Variants in FAT3 observed in about 807,000 individuals in gnomAD.
FAT3 encodes FAT atypical cadherin 3.
FAT3 carries 95 observed loss-of-function variants against 310.2 expected under a neutral mutation model. The observed-to-expected ratio is 0.31, with a 90% CI of 0.26 to 0.36. The LOEUF is 0.36. FAT3 is among the 10% of genes least tolerant of loss of function. The pLI, the probability that FAT3 is intolerant of heterozygous loss-of-function variation, is 1.00. For missense variants in FAT3, 5,408 were observed against 5,715.6 expected, an observed-to-expected ratio of 0.95 and a Z score of 1.74; for synonymous variants, 2,314 against 2,192.9, an observed-to-expected ratio of 1.06 and a Z score of -1.54.
intron 6 of FAT3, among the ~76,000 whole-genome samples, chr11:92,767,633 T>G (rs1319337813): frequency 6.6e-6 from 1 of 152,182 alleles, no homozygotes; most frequent in Non-Finnish European, 1.5e-5. Flanking sequence ...CATGTGTGTG[T>G]GTGACTGTCT....
chr11:92,487,298 CA>C (rs999607196), intron 2 of FAT3, among the ~76,000 whole-genome samples: 2 of 152,110 alleles, frequency 1.3e-5, no homozygotes, highest in African/African-American at 4.8e-5. Context: ...TCTAGCAGCA[CA>C]GGAAATAAAA....
At chr11:92,848,644 G>A (rs761796321) in intron 19 of FAT3, among the ~76,000 whole-genome samples, 12 of 152,248 alleles carry the variant, frequency 7.9e-5, no homozygotes, top group Non-Finnish European at 1.3e-4. Context: ...TGGAAGAAGT[G>A]GATGCCTGAT....
chr11:92,442,831 T>C (rs566410056), intron 2 of FAT3, among the ~76,000 whole-genome samples: 1 of 152,296 alleles, frequency 6.6e-6, no homozygotes, highest in African/African-American at 2.4e-5. Context: ...ATGCTACCTA[T>C]TAGTTGAGAT....
chr11:92,806,233 G>A (rs1259180799), intron 11 of FAT3, 129 bp from the exon 12 acceptor site: 25 of 800,422 alleles, frequency 3.1e-5, no homozygotes, highest in Non-Finnish European at 4.7e-5. Context: ...TGTTTCTGTA[G>A]TGAAGGAAAA....
rs532414512 is a variant in FAT3 at position 92,354,031 on chromosome 11, C to A, written c.1919C>A (p.Thr640Lys). 1.2e-5 allele frequency: 20 copies of A among 1,613,286 alleles called. No homozygotes were observed. In the South Asian group the frequency reaches 2.2e-4, roughly 18 times the overall value. The change falls in exon 2 of 28, where the codon ACA becomes AAA. Residue 640 changes from threonine (T) to lysine (K), a missense_variant. Thr to Lys is a moderately conservative substitution (Grantham distance 78). Transcript: ENST00000525166. ...SGVLQLKKSLTNSGIKNGNFA... is the reference protein window; with the variant it reads ...SGVLQLKKSLKNSGIKNGNFA... ...GTTTTACAGCTTAAAAAATCACTGA[C>A]AAATTCTGGCATTAAAAATGGCAAT...
At chr11:92,634,821 A>G (rs1368836985) in intron 3 of FAT3, among the ~76,000 whole-genome samples, 1 of 152,184 alleles carries the variant, frequency 6.6e-6, no homozygotes, top group Admixed American at 6.5e-5. Flanking sequence ...CTGTATTTGG[A>G]GAAGGAGCCT....
intron 22 of FAT3, 108 bp from the exon 23 acceptor site, chr11:92,880,623 T>C (rs1949652008): frequency 7.8e-7 from 1 of 1,279,304 alleles, no homozygotes; most frequent in African/African-American, 1.5e-5. Context: ...TTTGGGCCCT[T>C]CCTATTATAC....
intron 2 of FAT3, among the ~76,000 whole-genome samples, chr11:92,467,567 T>C (rs994054155): frequency 6.6e-6 from 1 of 152,138 alleles, no homozygotes; most frequent in Non-Finnish European, 1.5e-5. Flanking sequence ...TAAATAGTTT[T>C]ATCATGTCTG....
chr11:92,325,097 G>A (rs1323802649), intron 1 of FAT3, among the ~76,000 whole-genome samples: 2 of 152,184 alleles, frequency 1.3e-5, no homozygotes, highest in African/African-American at 4.8e-5. Flanking sequence ...GGGGATTGTT[G>A]TTTGACAGGT....
At chr11:92,383,574 A>C (rs1038202838) in intron 2 of FAT3, among the ~76,000 whole-genome samples, 2 of 152,260 alleles carry the variant, frequency 1.3e-5, no homozygotes, top group African/African-American at 4.8e-5. Flanking sequence ...GTTGATGGAT[A>C]CAAGAGTGAA....
intron 3 of FAT3, among the ~76,000 whole-genome samples, chr11:92,584,982 C>G (rs1434513504): frequency 6.6e-6 from 1 of 151,788 alleles, no homozygotes; most frequent in East Asian, 1.9e-4. Context: ...AATGATATCC[C>G]TTTGTATTTA....
intron 3 of FAT3, among the ~76,000 whole-genome samples, chr11:92,650,314 A>ATTGTAT (rs1942329847): frequency 6.6e-6 from 1 of 152,102 alleles, no homozygotes; most frequent in Admixed American, 6.5e-5. Flanking sequence ...TCTTCCAGAT[A>ATTGTAT]TTGTATTTGT....
At chr11:92,565,930 G>A (rs376265762) in intron 3 of FAT3, among the ~76,000 whole-genome samples, 125 of 151,994 alleles carry the variant, frequency 8.2e-4, no homozygotes, top group East Asian at 6.4e-3. Flanking sequence ...AGCCAATATC[G>A]TACTGAATGG....
intron 3 of FAT3, among the ~76,000 whole-genome samples, chr11:92,670,007 T>C (rs1289305153): frequency 6.6e-6 from 1 of 152,226 alleles, no homozygotes; most frequent in African/African-American, 2.4e-5. Context: ...TTAACCCCTT[T>C]GTGTCAGTTT....
chr11:92,788,364 C>T lies in FAT3; in HGVS notation c.4336-1579C>T, dbSNP rs758795235. Among the ~76,000 whole-genome samples the T allele has an allele frequency of 1.4e-4, 21 of 152,142 alleles. No homozygotes were observed. In the Middle Eastern group the frequency reaches 0.01, roughly 74 times the overall value. ...GGTTAAAAAAGAGTACCTCATTGGT[C>T]ACTTTGGGAGGAGCTAAGGAACCAA... On this transcript the variant is annotated intron_variant, in intron 7 of 27. Transcript: ENST00000525166.
rs1949861389 is a variant in FAT3 at position 92,889,249 on chromosome 11, G to A, written c.13111+1G>A. ...GTAGTTGACACTATAGAGAATGAAGGTATTTACTTTTTTTCTTCCATAGCA... is the reference window on the plus strand; with the variant it reads ...GTAGTTGACACTATAGAGAATGAAGATATTTACTTTTTTTCTTCCATAGCA... On this transcript the variant is annotated splice_donor_variant, in intron 26 of 27. Coordinates refer to ENST00000525166, the MANE Select transcript of FAT3 (RefSeq NM_001367949.2). LOFTEE classifies it high-confidence loss of function. 1 of 704,268 alleles carries A rather than the reference G, an allele frequency of 1.4e-6. No homozygotes were observed. The allele number at this position is 704,268 out of a possible 1,614,324, so 43.6% of individuals were successfully genotyped here.
chr11:92,792,668 G>A (rs1199122651), intron 8 of FAT3, 99 bp from the exon 9 acceptor site: 2 of 1,135,188 alleles, frequency 1.8e-6, no homozygotes, highest in East Asian at 2.4e-5. Context: ...CAAGCACTTT[G>A]CGTGCATTAT....
intron 2 of FAT3, among the ~76,000 whole-genome samples, chr11:92,365,407 A>G (rs1483320518): frequency 6.6e-6 from 1 of 152,276 alleles, no homozygotes; most frequent in Non-Finnish European, 1.5e-5. Context: ...AATCATTTTT[A>G]TGATTTTTTC....
At chr11:92,556,517 A>G (rs957415766) in intron 3 of FAT3, among the ~76,000 whole-genome samples, 8 of 152,146 alleles carry the variant, frequency 5.3e-5, no homozygotes, top group African/African-American at 1.2e-4. Flanking sequence ...TTCTGTTTAC[A>G]TGCCTCCCTA....
Sources: gnomAD v4.1 joint callset for allele counts (sites outside exome capture counted in the v4.1 genomes callset) on GRCh38, gnomAD v4.1.1 for gene constraint, MANE v1.5 for transcripts, NCBI Gene and HGNC (gene_info 2026-07-23, HGNC 2026-07-21) for gene names.